Variants in FANCC observed in about 807,000 individuals in gnomAD.
FANCC encodes FA complementation group C, also known as Fanconi anemia group C protein.
FANCC carries 55 observed loss-of-function variants against 71.3 expected under a neutral mutation model. That is an observed-to-expected ratio of 0.77 (90% CI 0.62 to 0.97). The LOEUF is 0.97. Among genes scored for constraint, FANCC ranks in the 50% least tolerant of loss-of-function variants. The pLI, the probability that FANCC is intolerant of heterozygous loss-of-function variation, is 0.00. For synonymous variants in FANCC, 275 were observed against 244.9 expected (o/e 1.12, Z -1.15); for missense variants, 678 against 670.9 (o/e 1.01, Z -0.12).
chr9:95,125,220 A>G (rs754186248), intron 9 of FANCC, 35 bp from the exon 10 acceptor site: 9 of 1,557,102 alleles, frequency 5.8e-6, no homozygotes, highest in Non-Finnish European at 6.2e-6. Context: ...AACACGTTTA[A>G]CAAGTAATCC....
At chr9:95,114,442 T>C in intron 12 of FANCC, 187 bp downstream of exon 12, 1 of 691,748 alleles carries the variant, frequency 1.4e-6, no homozygotes, top group Non-Finnish European at 2.7e-6. Context: ...CTATTCATCC[T>C]GACCTGCTCC....
intron 2 of FANCC, among the ~76,000 whole-genome samples, chr9:95,247,885 G>A (rs4647418): frequency 8.5e-5 from 13 of 152,138 alleles, no homozygotes; most frequent in African/African-American, 2.7e-4. Flanking sequence ...ATATAATCCC[G>A]TATCTTTATC....
At chr9:95,205,659 A>C (rs1034208439) in intron 4 of FANCC, among the ~76,000 whole-genome samples, 10 of 152,172 alleles carry the variant, frequency 6.6e-5, no homozygotes, top group African/African-American at 2.4e-4. Context: ...CTCCCGAGAG[A>C]AACTAACCAA....
intron 1 of FANCC, among the ~76,000 whole-genome samples, chr9:95,302,557 C>T (rs990676089): frequency 2.6e-5 from 4 of 152,178 alleles, no homozygotes; most frequent in Non-Finnish European, 4.4e-5. Flanking sequence ...TAATCTGTTC[C>T]GAGAAATTCC....
chr9:95,206,153 C>T (rs967368178), intron 4 of FANCC, among the ~76,000 whole-genome samples: 2 of 151,950 alleles, frequency 1.3e-5, no homozygotes, highest in Non-Finnish European at 2.9e-5. Flanking sequence ...TTCTAAACAA[C>T]GAAAATTTAG....
At chr9:95,274,998 C>T (rs1420727454) in intron 1 of FANCC, among the ~76,000 whole-genome samples, 1 of 151,620 alleles carries the variant, frequency 6.6e-6, no homozygotes, top group Non-Finnish European at 1.5e-5. Context: ...GGCGTGGTGG[C>T]TCATGCTTGT....
At chr9:95,223,308 C>A (rs1009349779) in intron 4 of FANCC, among the ~76,000 whole-genome samples, 1 of 152,212 alleles carries the variant, frequency 6.6e-6, no homozygotes, top group Non-Finnish European at 1.5e-5. Context: ...ACTTCTGGGG[C>A]TTCCTGGCAG....
chr9:95,115,388 A>C (rs2072313486), intron 11 of FANCC, among the ~76,000 whole-genome samples: 1 of 152,206 alleles, frequency 6.6e-6, no homozygotes, highest in Non-Finnish European at 1.5e-5. Context: ...GTTGATTTCA[A>C]AATAGACGGA....
chr9:95,110,571 T>A, intron 13 of FANCC: 1 of 1,034,028 alleles, frequency 9.7e-7, no homozygotes, highest in Non-Finnish European at 1.2e-6. Context: ...ATTTCAACTT[T>A]TTAAAATCTA....
At chr9:95,164,927 G>A (rs1030039098) in intron 6 of FANCC, among the ~76,000 whole-genome samples, 4 of 151,976 alleles carry the variant, frequency 2.6e-5, no homozygotes, top group African/African-American at 9.7e-5. Flanking sequence ...TTTTTTCTTT[G>A]TTGGAAGGTT....
chr9:95,147,341 AC>A (rs1829701479), intron 7 of FANCC, among the ~76,000 whole-genome samples: 1 of 152,054 alleles, frequency 6.6e-6, no homozygotes, highest in Non-Finnish European at 1.5e-5. Context: ...AACATGGAAA[AC>A]CCTGTCTCTA....
chr9:95,119,277 C>T (rs1034748006), intron 10 of FANCC, among the ~76,000 whole-genome samples: 7 of 152,058 alleles, frequency 4.6e-5, no homozygotes, highest in South Asian at 2.1e-4. Context: ...CATATATTCT[C>T]GACACAAGTC....
intron 1 of FANCC, among the ~76,000 whole-genome samples, chr9:95,271,295 T>G (rs916514683): frequency 6.6e-6 from 1 of 152,208 alleles, no homozygotes; most frequent in Admixed American, 6.5e-5. Flanking sequence ...GAATGACTAT[T>G]ACCTTGTACA....
chr9:95,178,495 C>T (rs561596353), intron 4 of FANCC, among the ~76,000 whole-genome samples: 1 of 152,366 alleles, frequency 6.6e-6, no homozygotes, highest in East Asian at 1.9e-4. Flanking sequence ...CCTAAAACGA[C>T]CTTCCGGTCT....
chr9:95,258,748 T>C (rs1437816952), intron 1 of FANCC, among the ~76,000 whole-genome samples: 5 of 152,192 alleles, frequency 3.3e-5, no homozygotes, highest in Admixed American at 2.6e-4. Context: ...GGAAGTCAAA[T>C]TGTCTCTGTT....
At chr9:95,296,225 CCTCT>C (rs895515389) in intron 1 of FANCC, among the ~76,000 whole-genome samples, 4 of 152,154 alleles carry the variant, frequency 2.6e-5, no homozygotes, top group Admixed American at 6.5e-5. Context: ...TATATTAAAA[CCTCT>C]CTATCACACT....
chr9:95,242,316 G>A (rs982676647), intron 3 of FANCC, among the ~76,000 whole-genome samples: 31 of 152,182 alleles, frequency 2.0e-4, no homozygotes, highest in African/African-American at 7.5e-4. Flanking sequence ...AATTAAAAAT[G>A]TGACTGTTAT....
chr9:95,310,817 TAA>T (rs952311374), intron 1 of FANCC, among the ~76,000 whole-genome samples: 1 of 151,892 alleles, frequency 6.6e-6, no homozygotes, highest in African/African-American at 2.4e-5. Flanking sequence ...AGTTATATAA[TAA>T]AAAAGAATAT....
rs552929380 is a variant in FANCC at position 95,151,117 on chromosome 9, G to A, written c.522-1030C>T. ...GCCACTGGACACTCGAGCTTCAAGT[G>A]CCCTCTTACCCGTGCTTTACTTCTC... On this transcript the variant is annotated intron_variant, in intron 6 of 14. Transcript: ENST00000289081. 4.6e-5 allele frequency among the ~76,000 whole-genome samples: 7 copies of A among 152,226 alleles called. No individual in the cohort carries two copies. In the East Asian group the frequency reaches 1.4e-3, roughly 29 times the overall value.
Sources: gnomAD v4.1 joint callset for allele counts (sites outside exome capture counted in the v4.1 genomes callset) on GRCh38, gnomAD v4.1.1 for gene constraint, MANE v1.5 for transcripts, NCBI Gene and HGNC (gene_info 2026-07-23, HGNC 2026-07-21) for gene names.